The following EXOC6B variants were observed in gnomAD, a reference collection of about 807,000 sequenced individuals.
EXOC6B encodes the protein exocyst complex component 6B, also known as SEC15 homolog B.
In EXOC6B, 54 loss-of-function variants were observed where a neutral mutation model predicts 113.5. That is an observed-to-expected ratio of 0.48 (90% CI 0.38 to 0.60). The LOEUF (loss-of-function observed/expected upper bound fraction) is 0.60. Ranked by LOEUF, EXOC6B falls within the 20% of genes least tolerant of loss-of-function variation. The probability of loss-of-function intolerance (pLI) is 0.00; values close to 1 mark genes in which losing one functional copy is unlikely to be tolerated. For synonymous variants in EXOC6B, 357 were observed against 339.0 expected (o/e 1.05, Z -0.58); for missense variants, 797 against 977.5 (o/e 0.82, Z 2.46).
intron 19 of EXOC6B, among the ~76,000 whole-genome samples, chr2:72,364,491 T>C (rs1690496155): frequency 6.6e-6 from 1 of 152,160 alleles, no homozygotes; most frequent in Non-Finnish European, 1.5e-5. Context: ...AAATACCAAA[T>C]GGCTTTTCAG....
chr2:72,555,344 A>G (rs1051134368), intron 8 of EXOC6B, among the ~76,000 whole-genome samples: 13 of 152,190 alleles, frequency 8.5e-5, no homozygotes, highest in South Asian at 2.1e-4. Context: ...GTCTTCCCCA[A>G]TGGTTGAACT....
At chr2:72,286,615 T>A (rs1180721645) in intron 20 of EXOC6B, among the ~76,000 whole-genome samples, 2 of 152,102 alleles carry the variant, frequency 1.3e-5, no homozygotes, top group Non-Finnish European at 2.9e-5. Context: ...ATATACAACA[T>A]CAAGAGTGAG....
chr2:72,634,119 G>T (rs182152313), intron 6 of EXOC6B, among the ~76,000 whole-genome samples: 14 of 152,250 alleles, frequency 9.2e-5, no homozygotes, highest in Non-Finnish European at 1.9e-4. Flanking sequence ...GAAGGCAGTG[G>T]TTGCAGCAAA....
intron 20 of EXOC6B, among the ~76,000 whole-genome samples, chr2:72,249,081 T>C (rs1426368281): frequency 2.0e-5 from 3 of 151,912 alleles, no homozygotes; most frequent in Non-Finnish European, 4.4e-5. Flanking sequence ...CTGGGCAACA[T>C]AGTGAGAGCG....
intron 20 of EXOC6B, among the ~76,000 whole-genome samples, chr2:72,274,315 A>T (rs563940371): frequency 6.6e-6 from 1 of 152,324 alleles, no homozygotes; most frequent in Admixed American, 6.5e-5. Context: ...TAAAATACTA[A>T]GCTGACATGA....
At chr2:72,625,923 C>T (rs895370843) in intron 6 of EXOC6B, among the ~76,000 whole-genome samples, 4 of 152,130 alleles carry the variant, frequency 2.6e-5, no homozygotes, top group Non-Finnish European at 4.4e-5. Flanking sequence ...TACATGGTTT[C>T]AAAGAGACTA....
chr2:72,345,787 A>C (rs954736640), intron 19 of EXOC6B, among the ~76,000 whole-genome samples: 3 of 152,178 alleles, frequency 2.0e-5, no homozygotes, highest in Non-Finnish European at 2.9e-5. Context: ...AAGCCCATAG[A>C]ATGTACAACA....
At chr2:72,578,460 G>A (rs1386261639) in intron 6 of EXOC6B, among the ~76,000 whole-genome samples, 1 of 151,964 alleles carries the variant, frequency 6.6e-6, no homozygotes, top group Admixed American at 6.6e-5. Flanking sequence ...CCTTAGTTAC[G>A]CCATTTCTTT....
intron 6 of EXOC6B, among the ~76,000 whole-genome samples, chr2:72,620,730 T>A (rs1209156821): frequency 6.6e-6 from 1 of 151,750 alleles, no homozygotes; most frequent in Non-Finnish European, 1.5e-5. Context: ...ACCTACAGAA[T>A]GGAAGAAAAT....
intron 20 of EXOC6B, among the ~76,000 whole-genome samples, chr2:72,234,592 A>G (rs1681838443): frequency 6.6e-6 from 1 of 152,228 alleles, no homozygotes; most frequent in Admixed American, 6.5e-5. Context: ...GAGCTTCTGC[A>G]CAGAAAAAGA....
intron 19 of EXOC6B, among the ~76,000 whole-genome samples, chr2:72,346,162 T>G (rs1010158106): frequency 1.3e-5 from 2 of 152,144 alleles, no homozygotes; most frequent in African/African-American, 4.8e-5. Flanking sequence ...ATTTATAAAT[T>G]TTTTCTAAAG....
intron 16 of EXOC6B, among the ~76,000 whole-genome samples, chr2:72,490,267 G>C (rs1468643860): frequency 6.6e-6 from 1 of 152,068 alleles, no homozygotes; most frequent in Non-Finnish European, 1.5e-5. Context: ...ATGTTTGCTA[G>C]CTGTATGACC....
chr2:72,377,431 A>G (rs1691424929), intron 19 of EXOC6B, among the ~76,000 whole-genome samples: 1 of 152,206 alleles, frequency 6.6e-6, no homozygotes, highest in African/African-American at 2.4e-5. Context: ...TTATCGCAAT[A>G]GCCAAGATAT....
At chr2:72,339,345 T>C (rs951384447) in intron 19 of EXOC6B, among the ~76,000 whole-genome samples, 1 of 152,150 alleles carries the variant, frequency 6.6e-6, no homozygotes, top group African/African-American at 2.4e-5. Context: ...GGACTTATCT[T>C]TGCAATCCAG....
intron 18 of EXOC6B, among the ~76,000 whole-genome samples, chr2:72,396,605 A>G (rs1692739827): frequency 6.6e-6 from 1 of 152,190 alleles, no homozygotes; most frequent in South Asian, 2.1e-4. Flanking sequence ...AATATGGGAC[A>G]TCAAACATCT....
intron 1 of EXOC6B, among the ~76,000 whole-genome samples, chr2:72,808,461 T>G (rs989131807): frequency 3.3e-5 from 5 of 151,774 alleles, no homozygotes; most frequent in African/African-American, 9.7e-5. Flanking sequence ...AAAAGTACAC[T>G]CAAAAACACA....
At chr2:72,779,799 T>C (rs1291852289) in intron 1 of EXOC6B, among the ~76,000 whole-genome samples, 1 of 152,190 alleles carries the variant, frequency 6.6e-6, no homozygotes, top group East Asian at 1.9e-4. Context: ...AAGAAAGTCC[T>C]TTTCCTCTTT....
chr2:72,490,337 C>A (rs988729759), intron 16 of EXOC6B, among the ~76,000 whole-genome samples: 26 of 152,052 alleles, frequency 1.7e-4, no homozygotes, highest in Admixed American at 7.2e-4. Context: ...ATAACACATG[C>A]CCAGCCTGCT....
chr2:72,327,996 T>C (rs1688226130), intron 20 of EXOC6B, among the ~76,000 whole-genome samples: 1 of 151,234 alleles, frequency 6.6e-6, no homozygotes, highest in Non-Finnish European at 1.5e-5. Context: ...CAGCCTTTGC[T>C]ATAAAGTCAA....
Sources: gnomAD v4.1 joint callset for allele counts (sites outside exome capture counted in the v4.1 genomes callset) on GRCh38, gnomAD v4.1.1 for gene constraint, MANE v1.5 for transcripts, NCBI Gene and HGNC (gene_info 2026-07-23, HGNC 2026-07-21) for gene names.